Variants in CATSPERD observed in about 807,000 individuals in gnomAD.
CATSPERD encodes the protein cation channel sperm-associated auxiliary subunit delta.
A neutral mutation model predicts 98.1 loss-of-function variants in CATSPERD; 86 were observed. The ratio of observed to expected loss-of-function variants is 0.88; its 90% CI spans 0.74 to 1.05. CATSPERD has a LOEUF of 1.05. Among genes scored for constraint, CATSPERD ranks in the 50% least tolerant of loss-of-function variants. The pLI is 0.00. For missense variants in CATSPERD, 995 were observed against 1,005.7 expected, an observed-to-expected ratio of 0.99 and a Z score of 0.14; for synonymous variants, 394 against 390.2, an observed-to-expected ratio of 1.01 and a Z score of -0.12.
chr19:5,771,905 A>C (rs182384922), intron 19 of CATSPERD, among the ~76,000 whole-genome samples: 1 of 152,138 alleles, frequency 6.6e-6, no homozygotes, highest in East Asian at 1.9e-4. Flanking sequence ...GTCTTATCAG[A>C]TCAGGGCCCA....
At chr19:5,766,518 G>A (rs1018561589) in intron 17 of CATSPERD, among the ~76,000 whole-genome samples, 3 of 151,706 alleles carry the variant, frequency 2.0e-5, no homozygotes, top group Non-Finnish European at 4.4e-5. Context: ...GGGGAGGAGA[G>A]TAGTTGACAG....
rs2055866513 is a variant in CATSPERD, at chr19:5,737,261, A to G, written c.459+56A>G. On this transcript the variant is annotated intron_variant, in intron 6 of 21. Transcript: ENST00000381624. ...TTTTGCTCTCCTCTGAACACAAATA[A>G]TCATGAGTAGACATAAAGGCTGGGC... The G allele has an allele frequency of 3.0e-5, 37 of 1,214,020 alleles. No homozygotes were observed. The South Asian group carries it at 4.3e-4, about 14-fold the overall frequency. The allele number at this position is 1,214,020 out of a possible 1,614,324, so 75.2% of individuals were successfully genotyped here.
intron 1 of CATSPERD, among the ~76,000 whole-genome samples, chr19:5,723,243 C>T (rs1401415686): frequency 1.3e-5 from 2 of 150,956 alleles, no homozygotes; most frequent in African/African-American, 4.9e-5. Flanking sequence ...ATCATTTCTA[C>T]ATTTTGTGTG....
At chr19:5,762,059 T>TATATATATATATATATATATATATGTA (rs1491269022) in intron 15 of CATSPERD, among the ~76,000 whole-genome samples, 1 of 18,638 alleles carries the variant, frequency 5.4e-5, no homozygotes. Context: ...TATATATATA[T>TATATATATATATATATATATATATGTA]TTTTTTTTTT....
At chr19:5,746,116 G>A (rs2056089017) in intron 9 of CATSPERD, 53 bp downstream of exon 9, 1 of 1,597,164 alleles carries the variant, frequency 6.3e-7, no homozygotes, top group Admixed American at 1.7e-5. Context: ...CCTCCAGAGG[G>A]GCCGAGTACA....
In CATSPERD at chr19:5,778,452, G is replaced by A. The variant is rs749312281; in HGVS notation, c.2173G>A (p.Val725Ile). The A allele has an allele frequency of 4.3e-6, 7 of 1,613,860 alleles. No individual in the cohort carries two copies. Among genetic ancestry groups the A allele is most frequent in the East Asian group, 4.5e-5 (2 of 44,886 alleles). ...FPVQLVSAGVVILLIISSILG... is the reference protein window; with the variant it reads ...FPVQLVSAGVIILLIISSILG... ...CGTGCAGCTGGTCTCTGCTGGAGTC[G>A]TCATCCTACTGATCATCTCCAGCAT... is the stretch of plus-strand genomic sequence containing the variant. The change falls in exon 22 of 22, where the codon GTC becomes ATC. Residue 725 changes from valine to isoleucine, a missense_variant. Coordinates refer to ENST00000381624, the MANE Select transcript of CATSPERD (RefSeq NM_152784.4).
chr19:5,727,203 A>G, intron 2 of CATSPERD, 65 bp from the exon 3 acceptor site: 1 of 1,346,288 alleles, frequency 7.4e-7, no homozygotes, highest in African/African-American at 1.5e-5. Context: ...CTCAAAAAAA[A>G]AAATTATTTC....
At chr19:5,731,939 T>G (rs1568342617) in intron 4 of CATSPERD, among the ~76,000 whole-genome samples, 2 of 151,784 alleles carry the variant, frequency 1.3e-5, no homozygotes, top group Non-Finnish European at 2.9e-5. Flanking sequence ...AAGAAGGTTT[T>G]GTTTTGTTTT....
intron 17 of CATSPERD, among the ~76,000 whole-genome samples, chr19:5,767,282 A>T (rs1462947415): frequency 9.4e-5 from 11 of 117,496 alleles, no homozygotes; most frequent in African/African-American, 3.3e-4. Flanking sequence ...GTGCCACTGC[A>T]CTCCAGCCTG....
At chr19:5,723,441 G>A (rs2055538916) in intron 1 of CATSPERD, among the ~76,000 whole-genome samples, 2 of 143,376 alleles carry the variant, frequency 1.4e-5, no homozygotes, top group Admixed American at 7.1e-5. Flanking sequence ...ACAGGCGCCC[G>A]CCACCCTGCC....
chr19:5,761,816 CCTCAGCCT>C, intron 15 of CATSPERD, among the ~76,000 whole-genome samples: 1 of 151,446 alleles, frequency 6.6e-6, no homozygotes, highest in South Asian at 2.1e-4. Context: ...GGTTCTCCTG[CCTCAGCCT>C]CCCAAGTAGC....
At chr19:5,750,681 G>A (rs2056195317) in intron 11 of CATSPERD, among the ~76,000 whole-genome samples, 2 of 151,668 alleles carry the variant, frequency 1.3e-5, no homozygotes, top group Admixed American at 6.6e-5. Context: ...GTTGCAGTGA[G>A]CCGAGATCGT....
intron 19 of CATSPERD, chr19:5,772,213 AATTT>A: frequency 4.8e-6 from 1 of 208,576 alleles, no homozygotes; most frequent in Non-Finnish European, 9.1e-6. Context: ...ATGCCCGGTT[AATTT>A]TTTTTTTTTT....
intron 4 of CATSPERD, among the ~76,000 whole-genome samples, chr19:5,731,774 A>C (rs1369129939): frequency 1.5e-4 from 23 of 150,650 alleles, no homozygotes; most frequent in Non-Finnish European, 2.7e-4. Flanking sequence ...ACGGGGTTTC[A>C]CCTTGTTAGC....
Position 5,757,841 on chromosome 19 carries a change from A to G in CATSPERD, c.1279-2A>G. 1 of 1,612,022 alleles carries G rather than the reference A, an allele frequency of 6.2e-7. No individual in the cohort carries two copies. Among genetic ancestry groups the G allele is most frequent in the Non-Finnish European group, 8.5e-7 (1 of 1,179,122 alleles). On this transcript the variant is annotated splice_acceptor_variant, in intron 13 of 21. Transcript: ENST00000381624. LOFTEE classifies it high-confidence loss of function. ...GCCTGAGCTTCTCTCCCCCACTCCC[A>G]GGTGATGGTGAGCAACCCCCACTCC...
chr19:5,727,195 C>G (rs1692520615), intron 2 of CATSPERD, 73 bp from the exon 3 acceptor site: 3 of 1,014,060 alleles, frequency 3.0e-6, no homozygotes, highest in African/African-American at 3.4e-5. Flanking sequence ...ACTCTTGTCT[C>G]AAAAAAAAAA....
Position 5,737,213 on chromosome 19 carries a change from T to A in CATSPERD, c.459+8T>A. The A allele has an allele frequency of 6.3e-7, 1 of 1,584,856 alleles. No homozygotes were observed. Among genetic ancestry groups the A allele is most frequent in the Non-Finnish European group, 8.7e-7 (1 of 1,153,842 alleles). ...GGAAGTTTGTTTTGTGTGGTAAGTATAAGTGTATAATTGTTCATTTTTTTT... is the reference window on the plus strand; with the variant it reads ...GGAAGTTTGTTTTGTGTGGTAAGTAAAAGTGTATAATTGTTCATTTTTTTT... On this transcript the variant is annotated splice_region_variant and intron_variant, in intron 6 of 21. Transcript: ENST00000381624.
At chr19:5,776,031 G>T (rs971039166) in intron 20 of CATSPERD, 130 bp from the exon 21 acceptor site, 2 of 937,676 alleles carry the variant, frequency 2.1e-6, no homozygotes, top group Non-Finnish European at 3.2e-6. Context: ...ATGGGCACTT[G>T]GCCCCAGAGT....
chr19:5,769,558 G>A (rs2056607673), intron 18 of CATSPERD, among the ~76,000 whole-genome samples: 1 of 152,022 alleles, frequency 6.6e-6, no homozygotes, highest in Non-Finnish European at 1.5e-5. Flanking sequence ...CCAGCATGAG[G>A]GAGCTCCTTG....
Sources: gnomAD v4.1 joint callset for allele counts (sites outside exome capture counted in the v4.1 genomes callset) on GRCh38, gnomAD v4.1.1 for gene constraint, MANE v1.5 for transcripts, NCBI Gene and HGNC (gene_info 2026-07-23, HGNC 2026-07-21) for gene names.